CDH1: variants seen among roughly 807,000 people sequenced by gnomAD.
CDH1 encodes the protein cadherin 1, also known as cadherin-1.
A neutral mutation model predicts 84.5 loss-of-function variants in CDH1; 35 were observed. The ratio of observed to expected loss-of-function variants is 0.41; its 90% confidence interval spans 0.32 to 0.55. The LOEUF (loss-of-function observed/expected upper bound fraction) is 0.55. Ranked by LOEUF, CDH1 falls within the 20% of genes least tolerant of loss-of-function variation. The probability of loss-of-function intolerance (pLI) is 0.19; values close to 1 mark genes in which losing one functional copy is unlikely to be tolerated. For missense variants in CDH1, 994 were observed against 1,126.6 expected, an observed-to-expected ratio of 0.88 and a Z score of 1.68; for synonymous variants, 417 against 439.0, an observed-to-expected ratio of 0.95 and a Z score of 0.63.
Position 68,833,881 on chromosome 16 carries a change from T to C in CDH1, c.*382T>C. 2.7e-6 allele frequency: 1 copy of C among 370,938 alleles called. No individual in the cohort carries two copies. The highest frequency in any genetic ancestry group is 5.0e-6 in the Non-Finnish European group (1 of 200,974). 23.0% of individuals were successfully genotyped at this position (370,938 alleles called of 1,614,324 possible). ...GAAGGGGAGAAGTCAGCTACTCTAGTTCTGTTGTTTTGTGTATATAATTTT... is the reference window on the plus strand; with the variant it reads ...GAAGGGGAGAAGTCAGCTACTCTAGCTCTGTTGTTTTGTGTATATAATTTT... On this transcript the variant is annotated 3_prime_UTR_variant, in exon 16 of 16. Transcript: ENST00000261769.
intron 11 of CDH1, among the ~76,000 whole-genome samples, chr16:68,820,702 C>A (rs1961120116): frequency 6.6e-6 from 1 of 151,918 alleles, no homozygotes; most frequent in Non-Finnish European, 1.5e-5. Flanking sequence ...ATGTTAATAC[C>A]CATGTGGGTG....
chr16:68,773,677 C>T (rs1465606675), intron 2 of CDH1, among the ~76,000 whole-genome samples: 1 of 152,216 alleles, frequency 6.6e-6, no homozygotes, highest in African/African-American at 2.4e-5. Flanking sequence ...GAAGAACTGA[C>T]TGTATTATCT....
At chr16:68,738,938 T>TG (rs1474997448) in intron 2 of CDH1, among the ~76,000 whole-genome samples, 1 of 63,814 alleles carries the variant, frequency 1.6e-5, no homozygotes, top group Non-Finnish European at 3.4e-5. Flanking sequence ...TATAAAAGCT[T>TG]TTTTTTTTTT....
chr16:68,801,190 C>T (rs1017428174), intron 2 of CDH1, among the ~76,000 whole-genome samples: 1 of 152,192 alleles, frequency 6.6e-6, no homozygotes, highest in Admixed American at 6.5e-5. Context: ...CAGCTCACTG[C>T]AACCTCCACC....
intron 2 of CDH1, among the ~76,000 whole-genome samples, chr16:68,764,711 G>A (rs2152119772): frequency 6.6e-6 from 1 of 152,314 alleles, no homozygotes; most frequent in African/African-American, 2.4e-5. Context: ...TGTGTAACAA[G>A]CACCAGCAAC....
chr16:68,811,627 T>C (rs111853286), intron 6 of CDH1, 57 bp from the exon 7 acceptor site: 18 of 1,496,344 alleles, frequency 1.2e-5, no homozygotes, highest in South Asian at 3.4e-5. Flanking sequence ...TTAAGCAGTA[T>C]TGACCCAGTC....
At chr16:68,745,549 A>AAAAATATATATATATGTAT (rs1555510453) in intron 2 of CDH1, among the ~76,000 whole-genome samples, 1 of 75,182 alleles carries the variant, frequency 1.3e-5, no homozygotes, top group African/African-American at 5.5e-5. Context: ...AAAAAAAAAA[A>AAAAATATATATATATGTAT]ATATATATAT....
At chr16:68,761,839 G>T (rs990193074) in intron 2 of CDH1, among the ~76,000 whole-genome samples, 1 of 152,196 alleles carries the variant, frequency 6.6e-6, no homozygotes, top group Non-Finnish European at 1.5e-5. Context: ...GGCAAGGTCA[G>T]TGATCAAGGG....
chr16:68,762,861 AG>A lies in CDH1; in HGVS notation c.163+24451del, dbSNP rs1470132787. Among the ~76,000 whole-genome samples the A allele has an allele frequency of 2.2e-5, 3 of 134,586 alleles. No individual in the cohort carries two copies. In the East Asian group the frequency reaches 7.3e-4, roughly 33 times the overall value. 88.3% of individuals were successfully genotyped at this position (134,586 alleles called of 152,430 possible). On this transcript the variant is annotated intron_variant, in intron 2 of 15. Transcript: ENST00000261769. ...GGGAGGCAGAGGTTGGAGTGAGCCA[AG>A]AGTGAGCACCACTGCACTCCAGCCT...
chr16:68,819,881 TAAAC>T (rs1219673029), intron 11 of CDH1, among the ~76,000 whole-genome samples: 1 of 152,196 alleles, frequency 6.6e-6, no homozygotes, highest in Non-Finnish European at 1.5e-5. Flanking sequence ...CTTTTATTCT[TAAAC>T]AAAGGCATTC....
rs750651204 is a variant in CDH1 at position 68,823,629 on chromosome 16, A to G, written c.2164+3A>G. 7 of 1,597,650 alleles carry G rather than the reference A, an allele frequency of 4.4e-6. No individual in the cohort carries two copies. Among genetic ancestry groups the G allele is most frequent in the Non-Finnish European group, 5.1e-6 (6 of 1,168,704 alleles). On this transcript the variant is annotated splice_donor_region_variant and intron_variant, in intron 13 of 15. Transcript: ENST00000261769. Reference sequence around the variant, plus strand: ...TGGAGGAATTCTTGCTTTGCTAAGTAAGTCCAGCTGGCAAGTGACTCAGCC... The same window carrying G: ...TGGAGGAATTCTTGCTTTGCTAAGTGAGTCCAGCTGGCAAGTGACTCAGCC...
intron 15 of CDH1, 30 bp downstream of exon 15, chr16:68,829,827 T>C (rs751202181): frequency 9.3e-6 from 15 of 1,608,932 alleles, no homozygotes; most frequent in Non-Finnish European, 1.2e-5. Flanking sequence ...AGCCAAAGCA[T>C]GGCTCATCTC....
At chr16:68,821,951 G>T (rs1167269949) in intron 11 of CDH1, 50 bp from the exon 12 acceptor site, 5 of 1,414,980 alleles carry the variant, frequency 3.5e-6, no homozygotes, top group African/African-American at 1.4e-5. Flanking sequence ...AGGCAATGGG[G>T]ATTCATTACT....
At chr16:68,801,979 T>G (rs1960530544) in intron 3 of CDH1, 86 bp downstream of exon 3, 9 of 1,124,432 alleles carry the variant, frequency 8.0e-6, no homozygotes, top group Non-Finnish European at 1.3e-6. Flanking sequence ...CGTTGACATT[T>G]TGGGCTGGAT....
At chr16:68,744,195 T>A (rs1962665303) in intron 2 of CDH1, among the ~76,000 whole-genome samples, 1 of 152,190 alleles carries the variant, frequency 6.6e-6, no homozygotes, top group African/African-American at 2.4e-5. Context: ...TAAGGTTGAT[T>A]GTAAATGGGC....
chr16:68,800,454 C>T (rs1334991724), intron 2 of CDH1, among the ~76,000 whole-genome samples: 1 of 151,134 alleles, frequency 6.6e-6, no homozygotes, highest in African/African-American at 2.4e-5. Flanking sequence ...AAGGGTGGCC[C>T]CTGATGGAAG....
chr16:68,785,133 T>C (rs989400524), intron 2 of CDH1, among the ~76,000 whole-genome samples: 3 of 152,212 alleles, frequency 2.0e-5, no homozygotes, highest in African/African-American at 7.2e-5. Flanking sequence ...TGTTAGTGTC[T>C]TTTAAAGTTC....
intron 2 of CDH1, among the ~76,000 whole-genome samples, chr16:68,773,144 CAT>C (rs1465772960): frequency 6.6e-6 from 1 of 152,202 alleles, no homozygotes; most frequent in Non-Finnish European, 1.5e-5. Flanking sequence ...AGGTTTGTAA[CAT>C]GTGAACTGAG....
At chr16:68,749,389 C>T (rs1393037486) in intron 2 of CDH1, among the ~76,000 whole-genome samples, 1 of 152,158 alleles carries the variant, frequency 6.6e-6, no homozygotes, top group Non-Finnish European at 1.5e-5. Flanking sequence ...TGTGAAGTAC[C>T]AGTTTAAAGA....
Sources: allele counts gnomAD v4.1 joint callset (sites outside exome capture counted in the v4.1 genomes callset), GRCh38; gene constraint gnomAD v4.1.1; transcripts MANE v1.5; gene names NCBI Gene and HGNC (gene_info 2026-07-23, HGNC 2026-07-21).